Variants in FBXO25 observed in about 807,000 individuals in gnomAD.
The protein encoded by FBXO25 is F-box protein 25.
A neutral mutation model predicts 51.9 loss-of-function variants in FBXO25; 45 were observed. The observed-to-expected ratio is 0.87, with a 90% confidence interval of 0.68 to 1.11. FBXO25 has a LOEUF of 1.11. Ranked by LOEUF, FBXO25 falls within the 50% of genes most tolerant of loss-of-function variation. The pLI, the probability that FBXO25 is intolerant of heterozygous loss-of-function variation, is 0.00. For missense variants in FBXO25, 507 were observed against 428.5 expected (o/e 1.18, Z -1.62); for synonymous variants, 199 against 151.0 (o/e 1.32, Z -2.33).
At chr8:416,266 G>T (rs990765234) in intron 2 of FBXO25, among the ~76,000 whole-genome samples, 43 of 152,126 alleles carry the variant, frequency 2.8e-4, no homozygotes, top group African/African-American at 1.0e-3. Flanking sequence ...ACTCTACTCT[G>T]ATGTTCGGCT....
At chr8:450,977 C>G (rs935081166) in intron 6 of FBXO25, 1 of 234,870 alleles carries the variant, frequency 4.3e-6, no homozygotes, top group Non-Finnish European at 8.1e-6. Context: ...ACGAGTTTGA[C>G]TACTCATGTA....
In FBXO25 at chr8:476,228, A is replaced by G. The variant is rs2116652846; in HGVS notation, c.*7424A>G. 1 of 152,208 alleles carries G rather than the reference A, an allele frequency of 6.6e-6. No homozygotes were observed. The highest frequency in any genetic ancestry group is 1.9e-4 in the East Asian group (1 of 5,186). 9.4% of individuals were successfully genotyped at this position (152,208 alleles called of 1,614,324 possible). A position where few individuals can be genotyped will look rare whatever the true frequency, so the allele number is the denominator to read the frequency against. On this transcript the variant is annotated 3_prime_UTR_variant, in exon 10 of 10. Coordinates refer to ENST00000350302, the MANE Select transcript of FBXO25 (RefSeq NM_183420.2). The stretch of plus-strand genomic sequence containing the variant: ...CAGCTGTAAATCTTACTTGGCCATG[A>G]TGTGTAATCCTTTCAATGTCCCACT...
Position 469,927 on chromosome 8 carries a change from C to T in FBXO25, c.*1123C>T, listed in dbSNP as rs1393996814. ...TTTCAGCCCCACTTCTGTGAACTGACACAAATGGCCAAGAATGCATTTATT... is the reference window on the plus strand; with the variant it reads ...TTTCAGCCCCACTTCTGTGAACTGATACAAATGGCCAAGAATGCATTTATT... On this transcript the variant is annotated 3_prime_UTR_variant, in exon 10 of 10. Coordinates refer to ENST00000350302, the MANE Select transcript of FBXO25 (RefSeq NM_183420.2). The T allele has an allele frequency of 1.3e-5, 2 of 152,160 alleles. No homozygotes were observed. The highest frequency in any genetic ancestry group is 2.4e-5 in the African/African-American group (1 of 41,428). The allele number at this position is 152,160 out of a possible 1,614,324, so 9.4% of individuals were successfully genotyped here.
At chr8:423,171 C>T (rs1303259289) in intron 2 of FBXO25, among the ~76,000 whole-genome samples, 1 of 151,054 alleles carries the variant, frequency 6.6e-6, no homozygotes, top group East Asian at 1.9e-4. Context: ...TCTCTGTCTT[C>T]CTGGACTTCC....
intron 2 of FBXO25, among the ~76,000 whole-genome samples, chr8:431,051 A>T (rs756660308): frequency 3.3e-5 from 5 of 152,182 alleles, no homozygotes; most frequent in African/African-American, 7.2e-5. Context: ...GTTGTTTTTT[A>T]AAAAAATCTC....
intron 1 of FBXO25, among the ~76,000 whole-genome samples, chr8:409,666 C>T (rs534234083): frequency 1.4e-4 from 21 of 152,194 alleles, no homozygotes; most frequent in African/African-American, 4.6e-4. Context: ...AATATTTTTT[C>T]AGCTGAGGAT....
intron 5 of FBXO25, among the ~76,000 whole-genome samples, chr8:441,208 G>A (rs1798406143): frequency 1.3e-5 from 2 of 151,996 alleles, no homozygotes; most frequent in South Asian, 2.1e-4. Context: ...CAGAAATAAC[G>A]CCACACGTCT....
At chr8:432,427 C>A (rs1332236279) in intron 3 of FBXO25, among the ~76,000 whole-genome samples, 1 of 150,702 alleles carries the variant, frequency 6.6e-6, no homozygotes, top group Non-Finnish European at 1.5e-5. Flanking sequence ...GAAGGTGAAA[C>A]TGTGAATACG....
rs564217703 is a variant in FBXO25 at position 463,135 on chromosome 8, C to T, written c.972C>T (p.Ser324=). Reference sequence around the variant, plus strand: ...CACTGCATTTCTGTCGGCACTGCAGCATTCTCTTTTGGAAGGTACTGATTT... The same window carrying T: ...CACTGCATTTCTGTCGGCACTGCAGTATTCTCTTTTGGAAGGTACTGATTT... ...GDTLHFCRHC[S]ILFWKDSGHP... The change falls in exon 9 of 10, where the codon AGC becomes AGT. Residue 324 remains serine, a synonymous_variant. Coordinates refer to ENST00000350302, the MANE Select transcript of FBXO25 (RefSeq NM_183420.2). The T allele has an allele frequency of 3.7e-6, 6 of 1,611,584 alleles. No individual in the cohort carries two copies. The East Asian group carries it at 1.3e-4, about 36-fold the overall frequency.
Position 471,332 on chromosome 8 carries a change from A to G in FBXO25, c.*2528A>G, listed in dbSNP as rs1663149963. The G allele has an allele frequency of 1.3e-5, 2 of 152,232 alleles. No individual in the cohort carries two copies. The highest frequency in any genetic ancestry group is 4.1e-4 in the South Asian group (2 of 4,830). The allele number at this position is 152,232 out of a possible 1,614,324, so 9.4% of individuals were successfully genotyped here. On this transcript the variant is annotated 3_prime_UTR_variant, in exon 10 of 10. Transcript: ENST00000350302. ...GAATAAAGACAATTTTGAGGCACTG[A>G]TCAGTTATTTACAGAAGATCGGACA...
chr8:435,790 A>T, intron 5 of FBXO25, 83 bp downstream of exon 5: 1 of 1,533,856 alleles, frequency 6.5e-7, no homozygotes, highest in Non-Finnish European at 8.7e-7. Flanking sequence ...AACGTTGAAG[A>T]TGCTTTTGGC....
intron 1 of FBXO25, among the ~76,000 whole-genome samples, chr8:412,583 C>G (rs779316086): frequency 6.6e-6 from 1 of 152,160 alleles, no homozygotes; most frequent in African/African-American, 2.4e-5. Flanking sequence ...CTCAGAATAG[C>G]ATCCAACTCC....
intron 3 of FBXO25, among the ~76,000 whole-genome samples, chr8:431,887 A>C (rs1797839300): frequency 6.6e-6 from 1 of 152,142 alleles, no homozygotes; most frequent in South Asian, 2.1e-4. Context: ...ATCATGCAGC[A>C]TATCTGTGAG....
chr8:431,316 T>G (rs774830754), intron 2 of FBXO25, 25 bp from the exon 3 acceptor site: 27 of 1,250,464 alleles, frequency 2.2e-5, no homozygotes, highest in Non-Finnish European at 2.9e-5. Flanking sequence ...AAAAAATATT[T>G]TAATAGAATG....
intron 1 of FBXO25, among the ~76,000 whole-genome samples, chr8:409,823 C>T (rs1347802812): frequency 4.6e-5 from 7 of 152,140 alleles, no homozygotes; most frequent in East Asian, 3.8e-4. Context: ...ACACTGCTCA[C>T]GCTGATCTGT....
At chr8:425,720 G>A (rs1456241318) in intron 2 of FBXO25, among the ~76,000 whole-genome samples, 1 of 151,836 alleles carries the variant, frequency 6.6e-6, no homozygotes, top group Non-Finnish European at 1.5e-5. Context: ...TTTTATAGCT[G>A]TATATCTTAT....
rs577036232 is a variant in FBXO25, at chr8:423,883, T to C, written c.135-7458T>C. Reference sequence around the variant, plus strand: ...GAAATCTCTAGACCACTTCCCACAATGGCTGGACTGATTTACATTCCCGTC... The same window carrying C: ...GAAATCTCTAGACCACTTCCCACAACGGCTGGACTGATTTACATTCCCGTC... On this transcript the variant is annotated intron_variant, in intron 2 of 9. Transcript: ENST00000350302. Among the ~76,000 whole-genome samples the C allele has an allele frequency of 5.5e-4, 84 of 152,342 alleles. 1 individual carries two copies. Among genetic ancestry groups the C allele is most frequent in the African/African-American group, 1.8e-3 (74 of 41,582 alleles).
At chr8:429,960 C>G (rs551442287) in intron 2 of FBXO25, among the ~76,000 whole-genome samples, 1 of 152,238 alleles carries the variant, frequency 6.6e-6, no homozygotes, top group Non-Finnish European at 1.5e-5. Context: ...CACCTATGGG[C>G]AGAGTTGGTT....
chr8:463,854 C>T (rs137981744), intron 9 of FBXO25, among the ~76,000 whole-genome samples: 52 of 152,268 alleles, frequency 3.4e-4, no homozygotes, highest in African/African-American at 1.2e-3. Flanking sequence ...CGCTCTGTCA[C>T]CCAGGCTGGA....
Sources: allele counts gnomAD v4.1 joint callset (sites outside exome capture counted in the v4.1 genomes callset), GRCh38; gene constraint gnomAD v4.1.1; transcripts MANE v1.5; gene names NCBI Gene and HGNC (gene_info 2026-07-23, HGNC 2026-07-21).